The following LAMA2 variants were observed in gnomAD, a reference collection of about 807,000 sequenced individuals.
LAMA2 encodes laminin subunit alpha-2.
LAMA2 carries 269 observed loss-of-function variants against 364.8 expected under a neutral mutation model. The observed-to-expected ratio is 0.74, with a 90% CI of 0.67 to 0.82. LAMA2 has a LOEUF of 0.82. Ranked by LOEUF, LAMA2 falls within the 40% of genes least tolerant of loss-of-function variation. LAMA2 has a pLI of 0.00. For synonymous variants in LAMA2, 1,379 were observed against 1,370.6 expected (o/e 1.01, Z -0.14); for missense variants, 3,807 against 3,873.2 (o/e 0.98, Z 0.45).
At chr6:128,905,963 C>A (rs1777434926) in intron 1 of LAMA2, among the ~76,000 whole-genome samples, 1 of 151,446 alleles carries the variant, frequency 6.6e-6, no homozygotes, top group Non-Finnish European at 1.5e-5. Flanking sequence ...AGGACATGAA[C>A]TCATCATTTT....
intron 4 of LAMA2, among the ~76,000 whole-genome samples, chr6:129,139,964 A>G (rs1778023721): frequency 6.6e-6 from 1 of 152,098 alleles, no homozygotes; most frequent in Admixed American, 6.6e-5. Context: ...TCTGCTACTT[A>G]TTTCAAAGTT....
At chr6:129,039,703 G>C (rs752518606) in intron 1 of LAMA2, among the ~76,000 whole-genome samples, 1 of 152,186 alleles carries the variant, frequency 6.6e-6, no homozygotes, top group Non-Finnish European at 1.5e-5. Flanking sequence ...GGATGAAACT[G>C]TTCCACCTCA....
chr6:129,062,054 G>A (rs756139492), intron 3 of LAMA2, among the ~76,000 whole-genome samples: 4 of 152,240 alleles, frequency 2.6e-5, no homozygotes, highest in Admixed American at 6.5e-5. Flanking sequence ...ATCAAGTTTC[G>A]TGATGGAACT....
chr6:129,199,731 A>G lies in LAMA2; in HGVS notation c.1782+6878A>G, dbSNP rs115424073. Among the ~76,000 whole-genome samples, 758 of 152,292 alleles carry G rather than the reference A, an allele frequency of 5.0e-3. 5 individuals carry two copies. The highest frequency in any genetic ancestry group is 0.018 in the African/African-American group (740 of 41,570). ...GGCCATGTATAATAGCAATACATAT[A>G]AATAGTACCAAGGATTAAATTTGTA... On this transcript the variant is annotated intron_variant, in intron 12 of 64. Transcript: ENST00000421865.
At chr6:129,051,484 G>A (rs1307284820) in intron 2 of LAMA2, among the ~76,000 whole-genome samples, 1 of 149,366 alleles carries the variant, frequency 6.7e-6, no homozygotes, top group Non-Finnish European at 1.5e-5. Flanking sequence ...GCTATTTTTT[G>A]TATTTCAAGT....
chr6:128,946,155 G>A (rs1395515961), intron 1 of LAMA2, among the ~76,000 whole-genome samples: 2 of 152,174 alleles, frequency 1.3e-5, no homozygotes, highest in Admixed American at 6.5e-5. Context: ...ATCAATGAAT[G>A]TTGTTTTAAG....
chr6:129,307,873 C>T (rs988774617), intron 22 of LAMA2, among the ~76,000 whole-genome samples: 1 of 152,154 alleles, frequency 6.6e-6, no homozygotes, highest in Admixed American at 6.5e-5. Context: ...ATTGATTCCA[C>T]TGGGTTGTGA....
chr6:129,033,301 A>G (rs1342786380), intron 1 of LAMA2, among the ~76,000 whole-genome samples: 1 of 152,124 alleles, frequency 6.6e-6, no homozygotes, highest in East Asian at 1.9e-4. Flanking sequence ...CAGAGAAAAC[A>G]TAATGTGGAA....
At chr6:129,334,709 C>G (rs1021641637) in intron 29 of LAMA2, among the ~76,000 whole-genome samples, 41 of 152,158 alleles carry the variant, frequency 2.7e-4, no homozygotes, top group South Asian at 1.0e-3. Flanking sequence ...AGTCCAAGAT[C>G]AAGTCTCCAG....
intron 53 of LAMA2, 97 bp from the exon 54 acceptor site, chr6:129,478,596 A>T: frequency 4.0e-6 from 5 of 1,255,452 alleles, no homozygotes; most frequent in Non-Finnish European, 5.8e-6. Flanking sequence ...ATGTGCCTGC[A>T]TGTGTCTGCT....
intron 10 of LAMA2, among the ~76,000 whole-genome samples, chr6:129,179,565 A>T (rs1375020644): frequency 6.6e-6 from 1 of 152,174 alleles, no homozygotes; most frequent in Admixed American, 6.6e-5. Context: ...CGAACTCAAT[A>T]TTGTACTGAG....
chr6:129,356,568 G>A (rs1173750371), intron 32 of LAMA2, among the ~76,000 whole-genome samples: 2 of 152,048 alleles, frequency 1.3e-5, no homozygotes, highest in Non-Finnish European at 2.9e-5. Flanking sequence ...GTAGATCCGT[G>A]ATTTGAGCAT....
intron 27 of LAMA2, among the ~76,000 whole-genome samples, chr6:129,317,772 A>G (rs148980305): frequency 2.0e-5 from 3 of 152,232 alleles, no homozygotes; most frequent in African/African-American, 7.2e-5. Flanking sequence ...CTGCAGTAAA[A>G]GAGTTTGGTA....
chr6:129,054,719 A>G (rs560362859), intron 2 of LAMA2, among the ~76,000 whole-genome samples: 183 of 148,518 alleles, frequency 1.2e-3, no homozygotes, highest in Middle Eastern at 7.1e-3. Context: ...TATAAATAAT[A>G]TACACATATA....
At chr6:129,400,402 T>TA (rs1305564239) in intron 37 of LAMA2, among the ~76,000 whole-genome samples, 1 of 152,172 alleles carries the variant, frequency 6.6e-6, no homozygotes, top group Non-Finnish European at 1.5e-5. Context: ...ACAAAATGCT[T>TA]ACAAACTGTC....
At chr6:128,891,204 C>A (rs547822007) in intron 1 of LAMA2, among the ~76,000 whole-genome samples, 1 of 152,142 alleles carries the variant, frequency 6.6e-6, no homozygotes, top group African/African-American at 2.4e-5. Flanking sequence ...GTTGCCTTGA[C>A]AAATGATTAT....
intron 4 of LAMA2, among the ~76,000 whole-genome samples, chr6:129,110,441 A>T (rs2114898884): frequency 6.6e-6 from 1 of 152,144 alleles, no homozygotes; most frequent in African/African-American, 2.4e-5. Context: ...TACGTTACCT[A>T]AGTAGAATTT....
chr6:128,948,194 A>G (rs1448221160), intron 1 of LAMA2, among the ~76,000 whole-genome samples: 3 of 152,078 alleles, frequency 2.0e-5, no homozygotes, highest in Non-Finnish European at 4.4e-5. Context: ...AGGTAACAAG[A>G]GGACTTGATT....
chr6:129,231,157 T>C (rs1291083733), intron 12 of LAMA2, among the ~76,000 whole-genome samples: 2 of 152,108 alleles, frequency 1.3e-5, no homozygotes, highest in African/African-American at 2.4e-5. Flanking sequence ...GCAAGGCTAG[T>C]TTATATAACA....
Sources: allele counts gnomAD v4.1 joint callset (sites outside exome capture counted in the v4.1 genomes callset), GRCh38; gene constraint gnomAD v4.1.1; transcripts MANE v1.5; gene names NCBI Gene and HGNC (gene_info 2026-07-23, HGNC 2026-07-21).